ZC3H6: variants seen among roughly 807,000 people sequenced by gnomAD.
ZC3H6 encodes the protein zinc finger CCCH domain-containing protein 6.
A neutral mutation model predicts 107.7 loss-of-function variants in ZC3H6; 40 were observed. The ratio of observed to expected loss-of-function variants is 0.37; its 90% CI spans 0.29 to 0.48. ZC3H6 has a LOEUF of 0.48. Among genes scored for constraint, ZC3H6 ranks in the 20% least tolerant of loss-of-function variants. The pLI, the probability that ZC3H6 is intolerant of heterozygous loss-of-function variation, is 0.98. For missense variants in ZC3H6, 1,267 were observed against 1,410.4 expected, an observed-to-expected ratio of 0.90 and a Z score of 1.63; for synonymous variants, 493 against 487.9, an observed-to-expected ratio of 1.01 and a Z score of -0.14.
chr2:112,296,017 T>G (rs1168767330), intron 1 of ZC3H6, among the ~76,000 whole-genome samples: 1 of 152,160 alleles, frequency 6.6e-6, no homozygotes, highest in African/African-American at 2.4e-5. Context: ...TATAGATTTT[T>G]TTTGTCATTT....
chr2:112,329,049 T>C (rs1676969931), intron 11 of ZC3H6, among the ~76,000 whole-genome samples: 1 of 152,138 alleles, frequency 6.6e-6, no homozygotes, highest in Non-Finnish European at 1.5e-5. Flanking sequence ...TAATGTTATA[T>C]AATTGGTAGT....
chr2:112,291,139 C>G (rs538099432), intron 1 of ZC3H6, among the ~76,000 whole-genome samples: 18 of 152,306 alleles, frequency 1.2e-4, no homozygotes, highest in African/African-American at 4.3e-4. Flanking sequence ...TCTGGCATAC[C>G]CTGTGTAAGC....
At position 112,324,944 on chromosome 2, in the gene ZC3H6, T is replaced by C. The variant is rs1423471099; in HGVS notation, c.1853-20T>C. On this transcript the variant is annotated intron_variant, in intron 10 of 11. Coordinates refer to ENST00000409871, the MANE Select transcript of ZC3H6 (RefSeq NM_198581.3). ...TTTGTGCTCACTCAATGACTGTCTC[T>C]CCCCATGTTATACATGTAGATGGGA... 6.4e-7 allele frequency: 1 copy of C among 1,573,624 alleles called. No individual in the cohort carries two copies. The highest frequency in any genetic ancestry group is 1.2e-5 in the South Asian group (1 of 86,128).
In ZC3H6 at chr2:112,324,744, A is replaced by G. The variant is rs1052884473; in HGVS notation, c.1852+81A>G. ...TCATTAAAAGCATGACAGAAACGTA[A>G]GTTTTAAGTAAAGCTGAGTAAAATT... On this transcript the variant is annotated intron_variant, in intron 10 of 11. Coordinates refer to ENST00000409871, the MANE Select transcript of ZC3H6 (RefSeq NM_198581.3). The G allele has an allele frequency of 2.2e-6, 3 of 1,353,396 alleles. No individual in the cohort carries two copies. The African/African-American group carries it at 4.4e-5, about 20-fold the overall frequency. 83.8% of individuals were successfully genotyped at this position (1,353,396 alleles called of 1,614,324 possible).
In ZC3H6 at chr2:112,339,400, G is replaced by C. The variant is rs1433386481; in HGVS notation, c.*6912G>C. On this transcript the variant is annotated 3_prime_UTR_variant, in exon 12 of 12. Coordinates refer to ENST00000409871, the MANE Select transcript of ZC3H6 (RefSeq NM_198581.3). ...AGTGACAATCAAAAAAGACTCATTT[G>C]TATACTTGCCAAAGTTTAAAAGTTT... The C allele has an allele frequency of 6.6e-6, 1 of 152,116 alleles. No homozygotes were observed. Among genetic ancestry groups the C allele is most frequent in the Non-Finnish European group, 1.5e-5 (1 of 67,994 alleles). 9.4% of individuals were successfully genotyped at this position (152,116 alleles called of 1,614,324 possible).
At position 112,338,990 on chromosome 2, in the gene ZC3H6, G is replaced by A. The variant is rs995228131; in HGVS notation, c.*6502G>A. ...GCTCACAGCAACCTCTGCCTCCCAGGTTCAAGCAATTCTGCCTCAGCCTCC... is the reference window on the plus strand; with the variant it reads ...GCTCACAGCAACCTCTGCCTCCCAGATTCAAGCAATTCTGCCTCAGCCTCC... On this transcript the variant is annotated 3_prime_UTR_variant, in exon 12 of 12. Transcript: ENST00000409871. The A allele has an allele frequency of 4.0e-5, 6 of 149,684 alleles. No individual in the cohort carries two copies. The highest frequency in any genetic ancestry group is 9.8e-5 in the African/African-American group (4 of 40,982). 9.3% of individuals were successfully genotyped at this position (149,684 alleles called of 1,614,324 possible). A position where few individuals can be genotyped will look rare whatever the true frequency, so the allele number is the denominator to read the frequency against.
At chr2:112,299,555 A>G (rs568769497) in intron 1 of ZC3H6, among the ~76,000 whole-genome samples, 1 of 152,286 alleles carries the variant, frequency 6.6e-6, no homozygotes, top group East Asian at 1.9e-4. Flanking sequence ...TTATTCATGC[A>G]TTCATTTTGT....
At chr2:112,297,856 T>C (rs1676272311) in intron 1 of ZC3H6, among the ~76,000 whole-genome samples, 1 of 152,232 alleles carries the variant, frequency 6.6e-6, no homozygotes, top group African/African-American at 2.4e-5. Context: ...GGCTTGCACC[T>C]GTAATCCCGG....
intron 3 of ZC3H6, among the ~76,000 whole-genome samples, chr2:112,304,096 A>G (rs574370886): frequency 6.6e-6 from 1 of 152,322 alleles, no homozygotes; most frequent in East Asian, 1.9e-4. Context: ...GAGGGTTTCA[A>G]TTTCTCTACA....
In ZC3H6 at chr2:112,304,898, C is replaced by A. The variant is rs534860345; in HGVS notation, c.336+1547C>A. Among the ~76,000 whole-genome samples the A allele has an allele frequency of 1.4e-4, 22 of 152,074 alleles. No homozygotes were observed. The South Asian group carries it at 4.4e-3, about 30-fold the overall frequency. On this transcript the variant is annotated intron_variant, in intron 3 of 11. Transcript: ENST00000409871. Reference sequence around the variant, plus strand: ...TCTATAGTCTGATTCACTGTTGCCGCCTTTATAGTTGAGATTGCTAAGTGA... The same window carrying A: ...TCTATAGTCTGATTCACTGTTGCCGACTTTATAGTTGAGATTGCTAAGTGA...
At chr2:112,305,570 A>G (rs1273123297) in intron 3 of ZC3H6, among the ~76,000 whole-genome samples, 1 of 152,166 alleles carries the variant, frequency 6.6e-6, no homozygotes, top group Non-Finnish European at 1.5e-5. Context: ...AATTAAGAAA[A>G]CGGATGGTCT....
intron 7 of ZC3H6, among the ~76,000 whole-genome samples, chr2:112,318,386 T>C (rs1676740034): frequency 6.6e-6 from 1 of 152,096 alleles, no homozygotes; most frequent in Non-Finnish European, 1.5e-5. Flanking sequence ...GTGAGAAAGA[T>C]TATGTGTAAT....
Position 112,335,725 on chromosome 2 carries a change from C to T in ZC3H6, c.*3237C>T, listed in dbSNP as rs1186816498. ...TGGTTTGTATGGTTTAGCAATTTTACGAAGCTTCAGATGACATGCACTGGT... is the reference window on the plus strand; with the variant it reads ...TGGTTTGTATGGTTTAGCAATTTTATGAAGCTTCAGATGACATGCACTGGT... On this transcript the variant is annotated 3_prime_UTR_variant, in exon 12 of 12. Transcript: ENST00000409871. 1.3e-5 allele frequency: 2 copies of T among 152,052 alleles called. No homozygotes were observed. The highest frequency in any genetic ancestry group is 6.5e-5 in the Admixed American group (1 of 15,272). 9.4% of individuals were successfully genotyped at this position (152,052 alleles called of 1,614,324 possible).
At position 112,324,437 on chromosome 2, in the gene ZC3H6, G is replaced by A; in HGVS notation, c.1626G>A (p.Leu542=). The A allele has an allele frequency of 1.2e-6, 2 of 1,613,922 alleles. No individual in the cohort carries two copies. The highest frequency in any genetic ancestry group is 1.7e-6 in the Non-Finnish European group (2 of 1,179,870). ...TGCTTGTTCAACCAGACACATCTTT[G>A]ACACCACCAAGTATGGGTGGGGCTT... ...AGVLVQPDTS[L]TPPSMGGAYH... Residue 542 remains leucine (L), a synonymous_variant, in exon 10 of 12, where the codon TTG becomes TTA. Coordinates refer to ENST00000409871, the MANE Select transcript of ZC3H6 (RefSeq NM_198581.3).
At chr2:112,300,713 T>C (rs184392214) in intron 2 of ZC3H6, among the ~76,000 whole-genome samples, 1 of 152,270 alleles carries the variant, frequency 6.6e-6, no homozygotes, top group Non-Finnish European at 1.5e-5. Flanking sequence ...CTGAGGGTTA[T>C]AGTAGTGAGT....
Position 112,299,961 on chromosome 2 carries a change from T to C in ZC3H6, c.145T>C (p.Ser49Pro). 6.7e-7 allele frequency: 1 copy of C among 1,493,578 alleles called. No homozygotes were observed. The highest frequency in any genetic ancestry group is 8.9e-7 in the Non-Finnish European group (1 of 1,122,382). 92.5% of individuals were successfully genotyped at this position (1,493,578 alleles called of 1,614,324 possible). A position where few individuals can be genotyped will look rare whatever the true frequency, so the allele number is the denominator to read the frequency against. ...GAAAAGTGAGAAAGCCTACAGAAAA[T>C]CAAGAAAAAAACATAAGAAAGAGAG... The part of the protein sequence containing the change: ...KQKSEKAYRK[S>P]RKKHKKEREK... The change falls in exon 2 of 12, where the codon TCA (serine) becomes CCA (proline). Residue 49 changes from serine (S) to proline (P), a missense_variant. By Grantham distance (74) the Ser-to-Pro change is moderately conservative. Transcript: ENST00000409871.
At chr2:112,310,554 G>A (rs1676574570) in intron 4 of ZC3H6, among the ~76,000 whole-genome samples, 1 of 152,192 alleles carries the variant, frequency 6.6e-6, no homozygotes, top group Non-Finnish European at 1.5e-5. Flanking sequence ...CTAAGCAAGT[G>A]TGCATGGACT....
intron 1 of ZC3H6, among the ~76,000 whole-genome samples, chr2:112,290,200 A>G (rs1318096151): frequency 2.0e-5 from 3 of 152,270 alleles, no homozygotes; most frequent in African/African-American, 4.8e-5. Context: ...TTTCCTGACA[A>G]ACATTCAAAT....
rs1354315768 is a variant in ZC3H6, at chr2:112,337,061, G to A, written c.*4573G>A. The A allele has an allele frequency of 1.3e-5, 2 of 152,064 alleles. No individual in the cohort carries two copies. Among genetic ancestry groups the A allele is most frequent in the African/African-American group, 4.8e-5 (2 of 41,406 alleles). The allele number at this position is 152,064 out of a possible 1,614,324, so 9.4% of individuals were successfully genotyped here. Reference sequence around the variant, plus strand: ...GCATTAGGAAGAATGCACCTTATGGGTTATATCTCTTTTGGTAGACAGCCC... The same window carrying A: ...GCATTAGGAAGAATGCACCTTATGGATTATATCTCTTTTGGTAGACAGCCC... On this transcript the variant is annotated 3_prime_UTR_variant, in exon 12 of 12. Coordinates refer to ENST00000409871, the MANE Select transcript of ZC3H6 (RefSeq NM_198581.3).
Sources: gnomAD v4.1 joint callset for allele counts (sites outside exome capture counted in the v4.1 genomes callset) on GRCh38, gnomAD v4.1.1 for gene constraint, MANE v1.5 for transcripts, NCBI Gene and HGNC (gene_info 2026-07-23, HGNC 2026-07-21) for gene names.